Variants in SH3GL2 observed in about 807,000 individuals in gnomAD.
SH3GL2 encodes the protein endophilin-A1.
Under a neutral mutation model 46.0 loss-of-function variants are expected in SH3GL2, and 24 were observed. That is an observed-to-expected ratio of 0.52 (90% CI 0.38 to 0.73). The LOEUF is 0.73. Among genes scored for constraint, SH3GL2 ranks in the 30% least tolerant of loss-of-function variants. SH3GL2 has a pLI of 0.00. For missense variants in SH3GL2, 413 were observed against 424.2 expected, an observed-to-expected ratio of 0.97 and a Z score of 0.23; for synonymous variants, 196 against 147.1, an observed-to-expected ratio of 1.33 and a Z score of -2.40.
intron 1 of SH3GL2, among the ~76,000 whole-genome samples, chr9:17,649,530 A>G (rs1819905229): frequency 6.6e-6 from 1 of 152,236 alleles, no homozygotes; most frequent in Admixed American, 6.5e-5. Flanking sequence ...GATGTTACCA[A>G]AGTATATTTA....
At chr9:17,588,181 A>G (rs1237368152) in intron 1 of SH3GL2, among the ~76,000 whole-genome samples, 2 of 152,128 alleles carry the variant, frequency 1.3e-5, no homozygotes, top group Non-Finnish European at 1.5e-5. Context: ...TCTGTAACAT[A>G]TGGTTTTCAA....
rs748293633 is a variant in SH3GL2 at position 17,756,093 on chromosome 9, G to C, written c.115-5344G>C. 2.0e-5 allele frequency among the ~76,000 whole-genome samples: 3 copies of C among 152,088 alleles called. No individual in the cohort carries two copies. In the East Asian group the frequency reaches 5.8e-4, roughly 29 times the overall value. On this transcript the variant is annotated intron_variant, in intron 2 of 8. Transcript: ENST00000380607. ...TTGCCAATGCTGTCAAAACACAAAA[G>C]CGTCCATTGACAGCGTTTAAATGAA...
In SH3GL2 at chr9:17,791,314, C is replaced by A; in HGVS notation, c.708C>A (p.Val236=). Reference sequence around the variant, plus strand: ...AGGCAGTCCAGATCCTGCAGCAAGTCACGGTCAGACTGGAAGAAAGGTATT... The same window carrying A: ...AGGCAGTCCAGATCCTGCAGCAAGTAACGGTCAGACTGGAAGAAAGGTATT... The part of the protein sequence containing the change: ...HKQAVQILQQ[V]TVRLEERIRQ... The change falls in exon 7 of 9, where the codon GTC becomes GTA. Residue 236 remains valine (V), a synonymous_variant. Transcript: ENST00000380607. The A allele has an allele frequency of 1.2e-6, 2 of 1,611,396 alleles. No individual in the cohort carries two copies. The highest frequency in any genetic ancestry group is 1.7e-6 in the Non-Finnish European group (2 of 1,177,532).
intron 1 of SH3GL2, among the ~76,000 whole-genome samples, chr9:17,683,333 A>T (rs1014170160): frequency 1.7e-4 from 26 of 152,026 alleles, no homozygotes; most frequent in African/African-American, 6.0e-4. Flanking sequence ...GCAAGCAGCA[A>T]CCACTGCAAG....
chr9:17,650,071 AGAGTT>A (rs1411789334), intron 1 of SH3GL2, among the ~76,000 whole-genome samples: 1 of 152,222 alleles, frequency 6.6e-6, no homozygotes, highest in Non-Finnish European at 1.5e-5. Flanking sequence ...TGGAGAGAGT[AGAGTT>A]GAGATCATAC....
At chr9:17,678,205 G>A (rs543540288) in intron 1 of SH3GL2, among the ~76,000 whole-genome samples, 38 of 151,968 alleles carry the variant, frequency 2.5e-4, no homozygotes, top group African/African-American at 6.7e-4. Context: ...CTGAGGAATC[G>A]CCACACTGAC....
chr9:17,633,630 A>T (rs573798248), intron 1 of SH3GL2, among the ~76,000 whole-genome samples: 10 of 152,220 alleles, frequency 6.6e-5, no homozygotes, highest in Admixed American at 4.6e-4. Context: ...AGTTATTTTT[A>T]TAAATCAGAT....
intron 1 of SH3GL2, among the ~76,000 whole-genome samples, chr9:17,714,471 A>T (rs1821703510): frequency 6.6e-6 from 1 of 151,616 alleles, no homozygotes. Flanking sequence ...TTTTGGATTG[A>T]GTATTTTAAT....
intron 1 of SH3GL2, among the ~76,000 whole-genome samples, chr9:17,678,311 T>G (rs1820669482): frequency 6.6e-6 from 1 of 152,186 alleles, no homozygotes; most frequent in Non-Finnish European, 1.5e-5. Flanking sequence ...TTCCTGACTT[T>G]TTAATGATCG....
intron 1 of SH3GL2, among the ~76,000 whole-genome samples, chr9:17,698,794 G>T (rs1043474278): frequency 6.6e-5 from 10 of 152,126 alleles, no homozygotes; most frequent in African/African-American, 2.4e-4. Context: ...GGGAAGTAAG[G>T]TGTTTATTCA....
intron 1 of SH3GL2, among the ~76,000 whole-genome samples, chr9:17,693,526 A>T (rs184785815): frequency 1.3e-5 from 2 of 152,276 alleles, no homozygotes; most frequent in East Asian, 3.9e-4. Flanking sequence ...TTTTGTTTGC[A>T]GAAATGCGAA....
At chr9:17,791,179 T>G in intron 6 of SH3GL2, 52 bp from the exon 7 acceptor site, 2 of 1,300,320 alleles carry the variant, frequency 1.5e-6, no homozygotes, top group Non-Finnish European at 2.2e-6. Context: ...TAGTGGCTGT[T>G]TAGGGATGGT....
chr9:17,608,299 C>G (rs1818797844), intron 1 of SH3GL2, among the ~76,000 whole-genome samples: 1 of 151,876 alleles, frequency 6.6e-6, no homozygotes, highest in African/African-American at 2.4e-5. Context: ...AGGCGCCCAC[C>G]ACCACACCTG....
chr9:17,684,579 C>G (rs1468007809), intron 1 of SH3GL2, among the ~76,000 whole-genome samples: 1 of 152,030 alleles, frequency 6.6e-6, no homozygotes, highest in Admixed American at 6.6e-5. Flanking sequence ...GTACAGTTTT[C>G]CCAAACTAAT....
intron 1 of SH3GL2, among the ~76,000 whole-genome samples, chr9:17,731,873 T>G (rs1279218817): frequency 1.3e-5 from 2 of 152,104 alleles, no homozygotes; most frequent in Non-Finnish European, 2.9e-5. Context: ...CCCCTGGGCT[T>G]TTGGACATCC....
chr9:17,671,591 T>G (rs1820476678), intron 1 of SH3GL2, among the ~76,000 whole-genome samples: 1 of 152,158 alleles, frequency 6.6e-6, no homozygotes, highest in Non-Finnish European at 1.5e-5. Context: ...AAACATCTCA[T>G]GTACCCCATA....
chr9:17,723,583 T>C (rs1439941467), intron 1 of SH3GL2, among the ~76,000 whole-genome samples: 8 of 152,186 alleles, frequency 5.3e-5, no homozygotes, highest in Non-Finnish European at 1.2e-4. Flanking sequence ...GGATTGCCTC[T>C]ATTTAACCTT....
At chr9:17,758,875 A>G (rs1038144406) in intron 2 of SH3GL2, among the ~76,000 whole-genome samples, 1 of 152,150 alleles carries the variant, frequency 6.6e-6, no homozygotes, top group Non-Finnish European at 1.5e-5. Flanking sequence ...CTTTCTTTAG[A>G]CAAGTCACAA....
At chr9:17,583,369 A>G (rs1818313877) in intron 1 of SH3GL2, among the ~76,000 whole-genome samples, 1 of 152,306 alleles carries the variant, frequency 6.6e-6, no homozygotes, top group Non-Finnish European at 1.5e-5. Flanking sequence ...GAGGGCACTC[A>G]TGATTAAGTC....
Sources: gnomAD v4.1 joint callset for allele counts (sites outside exome capture counted in the v4.1 genomes callset) on GRCh38, gnomAD v4.1.1 for gene constraint, MANE v1.5 for transcripts, NCBI Gene and HGNC (gene_info 2026-07-23, HGNC 2026-07-21) for gene names.